The following KCNN3 variants were observed in gnomAD, a reference collection of about 807,000 sequenced individuals.
KCNN3 encodes the protein small conductance calcium-activated potassium channel protein 3.
In KCNN3, 16 loss-of-function variants were observed where a neutral mutation model predicts 62.9. That is an observed-to-expected ratio of 0.25 (90% CI 0.17 to 0.39). The LOEUF is 0.39. Ranked by LOEUF, KCNN3 falls within the 10% of genes least tolerant of loss-of-function variation. The pLI is 1.00. For synonymous variants in KCNN3, 370 were observed against 389.2 expected (o/e 0.95, Z 0.58); for missense variants, 599 against 949.4 (o/e 0.63, Z 4.85).
At chr1:154,836,480 G>A (rs1558000095) in intron 1 of KCNN3, among the ~76,000 whole-genome samples, 2 of 152,162 alleles carry the variant, frequency 1.3e-5, no homozygotes, top group Non-Finnish European at 1.5e-5. Context: ...CCCCATCTCC[G>A]ACCCCACTTG....
intron 2 of KCNN3, among the ~76,000 whole-genome samples, chr1:154,796,112 G>T (rs1649725553): frequency 6.6e-6 from 1 of 152,204 alleles, no homozygotes; most frequent in Non-Finnish European, 1.5e-5. Context: ...GTCCACATAA[G>T]ACCTGGTGTT....
intron 7 of KCNN3, 47 bp downstream of exon 7, chr1:154,713,417 T>A (rs781671601): frequency 6.8e-7 from 1 of 1,469,058 alleles, no homozygotes; most frequent in South Asian, 1.1e-5. Flanking sequence ...CTGAGAAGAC[T>A]CAGTGTCTGC....
chr1:154,752,765 C>A (rs73007703), intron 3 of KCNN3, among the ~76,000 whole-genome samples: 2,141 of 152,354 alleles, frequency 0.014, 54 homozygotes, highest in African/African-American at 0.049. Flanking sequence ...AATTAAGCAA[C>A]TCCACACTAT....
intron 2 of KCNN3, among the ~76,000 whole-genome samples, chr1:154,794,643 A>G (rs1649651230): frequency 6.6e-6 from 1 of 152,196 alleles, no homozygotes; most frequent in South Asian, 2.1e-4. Flanking sequence ...CCCACAAGGA[A>G]CAGGCATTTT....
intron 1 of KCNN3, among the ~76,000 whole-genome samples, chr1:154,855,742 C>T (rs559184632): frequency 6.6e-6 from 1 of 152,316 alleles, no homozygotes; most frequent in Admixed American, 6.5e-5. Flanking sequence ...AATACACTGG[C>T]ACATAACAGG....
chr1:154,831,497 G>A (rs1040605947), intron 1 of KCNN3, among the ~76,000 whole-genome samples: 15 of 152,148 alleles, frequency 9.9e-5, no homozygotes, highest in Admixed American at 4.6e-4. Context: ...TCTAATGTGC[G>A]GGCCAGAAAT....
rs554805372 is a variant in KCNN3 at position 154,864,801 on chromosome 1, G to T, written c.933+4231C>A. On this transcript the variant is annotated intron_variant, in intron 1 of 7. Coordinates refer to ENST00000271915, the MANE Select transcript of KCNN3 (RefSeq NM_002249.6). ...AATCAGTGGGGCAGGCGAGACAGGA[G>T]CATGGTGGGGGAGTGGGCAGAGGAC... is the stretch of plus-strand genomic sequence containing the variant. Among the ~76,000 whole-genome samples the T allele has an allele frequency of 1.9e-3, 282 of 152,336 alleles. 2 individuals are homozygous for T. The highest frequency in any genetic ancestry group is 1.3e-3 in the Non-Finnish European group (86 of 68,038).
chr1:154,861,609 G>A (rs1382194986), intron 1 of KCNN3, among the ~76,000 whole-genome samples: 3 of 152,018 alleles, frequency 2.0e-5, no homozygotes, highest in Non-Finnish European at 4.4e-5. Flanking sequence ...AGTCCTTCAG[G>A]GACCCCCCAA....
At chr1:154,756,160 A>AAGAAGAAGAGAAGAAG (rs57054757) in intron 3 of KCNN3, among the ~76,000 whole-genome samples, 2 of 117,682 alleles carry the variant, frequency 1.7e-5, no homozygotes, top group Non-Finnish European at 3.5e-5. Context: ...GAAGGAGGAG[A>AAGAAGAAGAGAAGAAG]AGAAGAAGAG....
intron 1 of KCNN3, among the ~76,000 whole-genome samples, chr1:154,827,524 C>T (rs186281033): frequency 3.9e-5 from 6 of 152,296 alleles, no homozygotes; most frequent in Admixed American, 2.6e-4. Context: ...CAAGCCCAGG[C>T]GTGGTGGCTC....
intron 3 of KCNN3, among the ~76,000 whole-genome samples, chr1:154,768,972 T>A (rs944973484): frequency 1.3e-5 from 2 of 152,150 alleles, no homozygotes; most frequent in African/African-American, 2.4e-5. Flanking sequence ...TCAGCCTGGG[T>A]TGGTGACACA....
intron 4 of KCNN3, 135 bp from the exon 5 acceptor site, chr1:154,726,161 C>A: frequency 1.5e-6 from 1 of 651,060 alleles, no homozygotes; most frequent in Non-Finnish European, 2.7e-6. Context: ...TCTGGCTGGT[C>A]ACGACCAAGC....
At chr1:154,813,025 T>A (rs908467631) in intron 2 of KCNN3, among the ~76,000 whole-genome samples, 3 of 152,098 alleles carry the variant, frequency 2.0e-5, no homozygotes, top group Non-Finnish European at 1.5e-5. Context: ...TTCTCAGAGA[T>A]CCTCTGGCCT....
chr1:154,745,335 A>C (rs961736938), intron 3 of KCNN3, among the ~76,000 whole-genome samples: 1 of 152,238 alleles, frequency 6.6e-6, no homozygotes, highest in Non-Finnish European at 1.5e-5. Flanking sequence ...TTGCCGCCAA[A>C]CAACCACAGC....
At position 154,826,671 on chromosome 1, in the gene KCNN3, G is replaced by A. The variant is rs377477826; in HGVS notation, c.934-4487C>T. Among the ~76,000 whole-genome samples, 11 of 152,344 alleles carry A rather than the reference G, an allele frequency of 7.2e-5. 1 individual carries two copies. Among genetic ancestry groups the A allele is most frequent in the African/African-American group, 2.4e-4 (10 of 41,568 alleles). The stretch of plus-strand genomic sequence containing the variant: ...TTTCCTCCCCTGAGGCTGTGCAGAG[G>A]GTGATGGAGTGTGTTCCCCAGCTTC... On this transcript the variant is annotated intron_variant, in intron 1 of 7. Coordinates refer to ENST00000271915, the MANE Select transcript of KCNN3 (RefSeq NM_002249.6).
rs557973324 is a variant in KCNN3, at chr1:154,852,740, T to C, written c.933+16292A>G. 3.9e-5 allele frequency among the ~76,000 whole-genome samples: 6 copies of C among 152,340 alleles called. No individual in the cohort carries two copies. In the East Asian group the frequency reaches 1.2e-3, roughly 29 times the overall value. ...GGTTAAATTAAAAATATTATTAACA[T>C]GTATAATTCTACTTTTCTCTTTTCA... On this transcript the variant is annotated intron_variant, in intron 1 of 7. Coordinates refer to ENST00000271915, the MANE Select transcript of KCNN3 (RefSeq NM_002249.6).
chr1:154,797,738 C>T lies in KCNN3; in HGVS notation c.1029+24351G>A, dbSNP rs546226997. Among the ~76,000 whole-genome samples, 3 of 152,318 alleles carry T rather than the reference C, an allele frequency of 2.0e-5. No individual in the cohort carries two copies. The South Asian group carries it at 6.2e-4, about 32-fold the overall frequency. On this transcript the variant is annotated intron_variant, in intron 2 of 7. Coordinates refer to ENST00000271915, the MANE Select transcript of KCNN3 (RefSeq NM_002249.6). ...AATGAATTGAATGAGAAACACAAAG[C>T]TTGGCATATAGCAGATGCTGGAGGA...
intron 1 of KCNN3, among the ~76,000 whole-genome samples, chr1:154,866,988 G>T (rs988981414): frequency 1.3e-5 from 2 of 152,306 alleles, no homozygotes; most frequent in Admixed American, 1.3e-4. Flanking sequence ...CCCACACTGG[G>T]ATCTGTGCAC....
intron 1 of KCNN3, among the ~76,000 whole-genome samples, chr1:154,843,918 ACACAAGAGTCCAGC>A (rs1651936057): frequency 6.6e-6 from 1 of 152,216 alleles, no homozygotes; most frequent in Non-Finnish European, 1.5e-5. Flanking sequence ...AGCCAGTTCT[ACACAAGAGTCCAGC>A]ACAGGGTGCG....
Sources: allele counts gnomAD v4.1 joint callset (sites outside exome capture counted in the v4.1 genomes callset), GRCh38; gene constraint gnomAD v4.1.1; transcripts MANE v1.5; gene names NCBI Gene and HGNC (gene_info 2026-07-23, HGNC 2026-07-21).